ARMC6: variants seen among roughly 807,000 people sequenced by gnomAD.
ARMC6 encodes armadillo repeat-containing protein 6.
Under a neutral mutation model 49.2 loss-of-function variants are expected in ARMC6, and 43 were observed. The ratio of observed to expected loss-of-function variants is 0.87; its 90% CI spans 0.69 to 1.13. ARMC6 has a LOEUF of 1.13. Among genes scored for constraint, ARMC6 ranks in the 50% most tolerant of loss-of-function variants. The probability of loss-of-function intolerance (pLI) is 0.00; values close to 1 mark genes in which losing one functional copy is unlikely to be tolerated. For missense variants in ARMC6, 627 were observed against 682.0 expected, an observed-to-expected ratio of 0.92 and a Z score of 0.90; for synonymous variants, 262 against 289.6, an observed-to-expected ratio of 0.90 and a Z score of 0.97.
At chr19:19,043,679 C>T (rs2059426848) in intron 3 of ARMC6, among the ~76,000 whole-genome samples, 1 of 152,092 alleles carries the variant, frequency 6.6e-6, no homozygotes, top group Non-Finnish European at 1.5e-5. Context: ...GGGGTCCCTC[C>T]CTCCCCCACC....
Position 19,055,268 on chromosome 19 carries a change from C to G in ARMC6, c.1027C>G (p.Leu343Val), listed in dbSNP as rs376266044. ...AGCGGGCCTTTCCCTTGTGCAGGAG[C>G]TCGTGAAGCAAGTGCTGAGCACCCT... ...QMRDQSGVQELVKQVLSTLRA... is the reference protein window; with the variant it reads ...QMRDQSGVQEVVKQVLSTLRA... Residue 343 changes from leucine to valine, a missense_variant, in exon 7 of 9, where the codon CTC becomes GTC. Physicochemically the swap from Leu to Val is conservative, Grantham distance 32. Transcript: ENST00000535612. This position sits in a 1 kb window ranked among gnomAD's most constrained non-coding sequence, Gnocchi z 5.7. 2.8e-4 allele frequency: 450 copies of G among 1,597,158 alleles called. No individual in the cohort carries two copies. The highest frequency in any genetic ancestry group is 1.5e-3 in the South Asian group (135 of 88,296).
intron 5 of ARMC6, among the ~76,000 whole-genome samples, chr19:19,053,676 C>T (rs530579582): frequency 1.3e-5 from 2 of 152,154 alleles, no homozygotes; most frequent in South Asian, 2.1e-4. Flanking sequence ...GCGTGAGTGC[C>T]GGCACCTGCT....
At chr19:19,045,299 C>T (rs2145858369) in intron 4 of ARMC6, among the ~76,000 whole-genome samples, 1 of 152,270 alleles carries the variant, frequency 6.6e-6, no homozygotes, top group Middle Eastern at 3.4e-3. Flanking sequence ...AGGCATGGGC[C>T]ACAGTGCCCA....
chr19:19,034,273 C>A, intron 2 of ARMC6, 35 bp downstream of exon 2: 1 of 1,588,138 alleles, frequency 6.3e-7, no homozygotes, highest in South Asian at 1.1e-5. Flanking sequence ...AGTGATGGGA[C>A]GGGAAAGCAG....
At chr19:19,052,362 T>C (rs891086640) in intron 5 of ARMC6, among the ~76,000 whole-genome samples, 167 bp downstream of exon 5, 1 of 152,102 alleles carries the variant, frequency 6.6e-6, no homozygotes, top group Non-Finnish European at 1.5e-5. Context: ...AGTCTCCCCA[T>C]GTTTTCTAGT....
intron 2 of ARMC6, among the ~76,000 whole-genome samples, chr19:19,038,633 G>T (rs1177456612): frequency 6.6e-6 from 1 of 151,988 alleles, no homozygotes; most frequent in East Asian, 1.9e-4. Flanking sequence ...GCTGGAGTGC[G>T]ATGGCGTGAT....
chr19:19,040,466 G>A (rs78708052), intron 2 of ARMC6, among the ~76,000 whole-genome samples: 2,169 of 152,228 alleles, frequency 0.014, 47 homozygotes, highest in African/African-American at 0.047. Flanking sequence ...TGTAGAGACA[G>A]TGTCTCGCTA....
rs534435125 is a variant in ARMC6, at chr19:19,052,170, G to A, written c.828G>A (p.Leu276=). ...AKMIVQENKG[L]KVLIEATKAF... ...TGATTGTGCAGGAGAACAAAGGCTTGAAGGTGCTCATCGAAGCCACCAAAG... is the reference window on the plus strand; with the variant it reads ...TGATTGTGCAGGAGAACAAAGGCTTAAAGGTGCTCATCGAAGCCACCAAAG... The change falls in exon 5 of 9, where the codon TTG becomes TTA. Residue 276 remains leucine (L), a synonymous_variant. Transcript: ENST00000535612. 1 of 1,608,622 alleles carries A rather than the reference G, an allele frequency of 6.2e-7. No individual in the cohort carries two copies. Among genetic ancestry groups the A allele is most frequent in the African/African-American group, 1.3e-5 (1 of 74,990 alleles).
intron 2 of ARMC6, 135 bp from the exon 3 acceptor site, chr19:19,042,576 G>A (rs2059418936): frequency 2.4e-6 from 2 of 819,546 alleles, no homozygotes; most frequent in Non-Finnish European, 3.9e-6. Context: ...ATAACAGGTG[G>A]GAAGAATTTC....
chr19:19,035,902 A>G (rs2059362300), intron 2 of ARMC6, among the ~76,000 whole-genome samples: 1 of 152,194 alleles, frequency 6.6e-6, no homozygotes, highest in South Asian at 2.1e-4. Context: ...ATATAAATGA[A>G]TATGTGTAAG....
chr19:19,052,291 C>A, intron 5 of ARMC6, 96 bp downstream of exon 5: 1 of 1,194,440 alleles, frequency 8.4e-7, no homozygotes, highest in Non-Finnish European at 1.1e-6. Flanking sequence ...TTAGGCACGG[C>A]AGGCTCAAGG....
Position 19,033,749 on chromosome 19 carries a change from T to C in ARMC6, c.-261T>C. 1 of 255,248 alleles carries C rather than the reference T, an allele frequency of 3.9e-6. No individual in the cohort carries two copies. The highest frequency in any genetic ancestry group is 7.4e-6 in the Non-Finnish European group (1 of 134,354). 15.8% of individuals were successfully genotyped at this position (255,248 alleles called of 1,614,324 possible). A position where few individuals can be genotyped will look rare whatever the true frequency, so the allele number is the denominator to read the frequency against. On this transcript the variant is annotated 5_prime_UTR_variant, in exon 1 of 9. Coordinates refer to ENST00000535612, the MANE Select transcript of ARMC6 (RefSeq NM_001199196.2). The stretch of plus-strand genomic sequence containing the variant: ...CGCCTCCGTCGCGCACGAGGTGGCC[T>C]CGTTGGCTTTACCTTGGTTCGCGGT...
chr19:19,043,013 C>T, intron 3 of ARMC6, 136 bp downstream of exon 3: 1 of 1,102,958 alleles, frequency 9.1e-7, no homozygotes, highest in African/African-American at 1.5e-5. Flanking sequence ...CTGTCCCCTC[C>T]AGCTTCTGCC....
At chr19:19,045,274 A>G (rs1327333957) in intron 4 of ARMC6, among the ~76,000 whole-genome samples, 1 of 152,080 alleles carries the variant, frequency 6.6e-6, no homozygotes. Context: ...TGGCCTCCCA[A>G]AGTGCCGGGA....
rs2059536404 is a variant in ARMC6 at position 19,055,462 on chromosome 19, T to C, written c.1155+66T>C. On this transcript the variant is annotated intron_variant, in intron 7 of 8. Transcript: ENST00000535612. This position sits in a 1 kb window ranked among gnomAD's most constrained non-coding sequence, Gnocchi z 5.7. ...CTGGAGTCCCAGTTCAGTTTCTGTA[T>C]CTGCATGAAGCTCTATTCCCCTGCA... The C allele has an allele frequency of 1.3e-6, 2 of 1,531,640 alleles. No individual in the cohort carries two copies. Among genetic ancestry groups the C allele is most frequent in the Admixed American group, 4.1e-5 (2 of 48,450 alleles). 94.9% of individuals were successfully genotyped at this position (1,531,640 alleles called of 1,614,324 possible).
rs537896032 is a variant in ARMC6 at position 19,055,370 on chromosome 19, A to G, written c.1129A>G (p.Met377Val). The change falls in exon 7 of 9, where the codon ATG (methionine) becomes GTG (valine). Residue 377 changes from methionine (M) to valine (V), a missense_variant. Transcript: ENST00000535612. The surrounding 1 kb of genome is among the most constrained non-coding windows in gnomAD (Gnocchi z 5.7). The stretch of plus-strand genomic sequence containing the variant: ...TGGGACGGAGTCCATCGTGGCTGCT[A>G]TGACCCAGCATCTGACCAGCCCCCA... ...AGGTESIVAA[M>V]TQHLTSPQVC... 2.1e-5 allele frequency: 34 copies of G among 1,611,824 alleles called. No individual in the cohort carries two copies. The South Asian group carries it at 3.0e-4, about 14-fold the overall frequency.
Position 19,057,514 on chromosome 19 carries a change from C to T in ARMC6, c.1392C>T (p.Ala464=). 14 of 1,614,054 alleles carry T rather than the reference C, an allele frequency of 8.7e-6. No homozygotes were observed. Among genetic ancestry groups the T allele is most frequent in the African/African-American group, 1.3e-5 (1 of 75,030 alleles). Residue 464 remains alanine (A), a synonymous_variant, in exon 9 of 9, where the codon GCC becomes GCT. Coordinates refer to ENST00000535612, the MANE Select transcript of ARMC6 (RefSeq NM_001199196.2). ...GGGCTGAGGCACTCATCATGCAGGC[C>T]CGATCTGCCCACCGTGACTGTGAGG... The part of the protein sequence containing the change: ...DLGAEALIMQ[A]RSAHRDCEDV...
chr19:19,054,746 C>T (rs2059529148), intron 6 of ARMC6, among the ~76,000 whole-genome samples: 1 of 152,180 alleles, frequency 6.6e-6, no homozygotes, highest in Non-Finnish European at 1.5e-5. Flanking sequence ...TGCAGGAAAG[C>T]CCCCAGGGGT....
At position 19,055,460 on chromosome 19, in the gene ARMC6, T is replaced by G. The variant is rs1241866111; in HGVS notation, c.1155+64T>G. The stretch of plus-strand genomic sequence containing the variant: ...GGCTGGAGTCCCAGTTCAGTTTCTG[T>G]ATCTGCATGAAGCTCTATTCCCCTG... On this transcript the variant is annotated intron_variant, in intron 7 of 8. Coordinates refer to ENST00000535612, the MANE Select transcript of ARMC6 (RefSeq NM_001199196.2). This position sits in a 1 kb window ranked among gnomAD's most constrained non-coding sequence, Gnocchi z 5.7. The G allele has an allele frequency of 2.0e-5, 30 of 1,532,600 alleles. No individual in the cohort carries two copies. The highest frequency in any genetic ancestry group is 1.8e-5 in the Non-Finnish European group (21 of 1,139,750). 94.9% of individuals were successfully genotyped at this position (1,532,600 alleles called of 1,614,324 possible). A position where few individuals can be genotyped will look rare whatever the true frequency, so the allele number is the denominator to read the frequency against.
Sources: gnomAD v4.1 joint callset for allele counts (sites outside exome capture counted in the v4.1 genomes callset) on GRCh38, gnomAD v4.1.1 for gene constraint, Gnocchi (gnomAD v3.1) non-coding constraint, MANE v1.5 for transcripts, NCBI Gene and HGNC (gene_info 2026-07-23, HGNC 2026-07-21) for gene names.